The following STK10 variants were observed in gnomAD, a reference collection of about 807,000 sequenced individuals.
The protein encoded by STK10 is serine/threonine kinase 10.
Under a neutral mutation model 113.8 loss-of-function variants are expected in STK10, and 78 were observed. That is an observed-to-expected ratio of 0.69 (90% CI 0.57 to 0.83). The LOEUF (loss-of-function observed/expected upper bound fraction) is 0.83, where lower values mean the gene tolerates loss of function less well. Ranked by LOEUF, STK10 falls within the 40% of genes least tolerant of loss-of-function variation. The pLI is 0.00. For missense variants in STK10, 1,109 were observed against 1,280.1 expected (o/e 0.87, Z 2.04); for synonymous variants, 465 against 494.7 (o/e 0.94, Z 0.80).
At chr5:172,087,477 G>C (rs1034909497) in intron 10 of STK10, among the ~76,000 whole-genome samples, 1 of 151,920 alleles carries the variant, frequency 6.6e-6, no homozygotes, top group Non-Finnish European at 1.5e-5. Context: ...GTTTTGCCAT[G>C]TTGGCCAGGC....
At chr5:172,109,237 C>T (rs1274026497) in intron 4 of STK10, among the ~76,000 whole-genome samples, 2 of 152,136 alleles carry the variant, frequency 1.3e-5, no homozygotes, top group African/African-American at 4.8e-5. Context: ...TACCACACTA[C>T]TTAAATGGCT....
chr5:172,100,149 C>A (rs1768954753), intron 7 of STK10, among the ~76,000 whole-genome samples: 1 of 152,206 alleles, frequency 6.6e-6, no homozygotes, highest in Non-Finnish European at 1.5e-5. Flanking sequence ...AGCTCCTCTG[C>A]CGCCAGAGAT....
chr5:172,167,256 C>CT (rs1214199709), intron 1 of STK10, among the ~76,000 whole-genome samples: 10 of 122,632 alleles, frequency 8.2e-5, no homozygotes, highest in African/African-American at 3.0e-4. Context: ...AAGGTGAAAT[C>CT]ACTAAAGACA....
At chr5:172,182,326 A>C (rs2113845362) in intron 1 of STK10, among the ~76,000 whole-genome samples, 1 of 151,008 alleles carries the variant, frequency 6.6e-6, no homozygotes, top group East Asian at 1.9e-4. Context: ...AAAAAAAAAA[A>C]AGGCTTAAAA....
intron 1 of STK10, among the ~76,000 whole-genome samples, chr5:172,180,040 G>C (rs1770824286): frequency 6.6e-6 from 1 of 152,218 alleles, no homozygotes. Flanking sequence ...CACTTGAGGG[G>C]TCTAAGAGGA....
intron 10 of STK10, among the ~76,000 whole-genome samples, chr5:172,087,623 ATT>A (rs1203616701): frequency 3.5e-5 from 3 of 85,148 alleles, no homozygotes; most frequent in Non-Finnish European, 4.8e-5. Flanking sequence ...TTACTTATTT[ATT>A]TTTTTTTTTT....
chr5:172,157,794 T>C (rs1027352374), intron 1 of STK10, among the ~76,000 whole-genome samples: 3 of 152,026 alleles, frequency 2.0e-5, no homozygotes, highest in African/African-American at 7.2e-5. Flanking sequence ...TTTCACCACA[T>C]TGGCTGGGCT....
chr5:172,070,505 T>A (rs1768153546), intron 12 of STK10, among the ~76,000 whole-genome samples: 1 of 150,422 alleles, frequency 6.6e-6, no homozygotes, highest in Non-Finnish European at 1.5e-5. Context: ...GCTCCATTTA[T>A]AGCATTAAGT....
chr5:172,098,369 C>A (rs1424570580), intron 7 of STK10, among the ~76,000 whole-genome samples: 1 of 151,942 alleles, frequency 6.6e-6, no homozygotes, highest in Non-Finnish European at 1.5e-5. Flanking sequence ...AAGCTGAGAC[C>A]CAAGGGAAAG....
rs993285000 is a variant in STK10 at position 172,082,386 on chromosome 5, G to A, written c.1929C>T (p.Arg643=). ...VRRREEARRI[R]LEQDRDYTRF... The stretch of plus-strand genomic sequence containing the variant: ...TGGTGTAGTCCCGATCCTGCTCCAG[G>A]CGGATCCGCCTGGCCTCCTCCCGGC... Residue 643 remains arginine, a synonymous_variant, in exon 12 of 19, where the codon CGC becomes CGT. Transcript: ENST00000176763. The surrounding 1 kb of genome is among the most constrained non-coding windows in gnomAD (Gnocchi z 4.3). 1.2e-6 allele frequency: 2 copies of A among 1,607,376 alleles called. No individual in the cohort carries two copies. Among genetic ancestry groups the A allele is most frequent in the African/African-American group, 2.7e-5 (2 of 74,448 alleles).
rs1428784627 is a variant in STK10, at chr5:172,042,143, AC to A, written c.*2738del. 1 of 152,668 alleles carries A rather than the reference AC, an allele frequency of 6.6e-6. No individual in the cohort carries two copies. Among genetic ancestry groups the A allele is most frequent in the Non-Finnish European group, 1.5e-5 (1 of 68,046 alleles). 9.5% of individuals were successfully genotyped at this position (152,668 alleles called of 1,614,324 possible). A position where few individuals can be genotyped will look rare whatever the true frequency, so the allele number is the denominator to read the frequency against. On this transcript the variant is annotated 3_prime_UTR_variant, in exon 19 of 19. Transcript: ENST00000176763. Reference sequence around the variant, plus strand: ...TAGTTAACTTTCCAGAGAACATTTTACAAAAATTTTGTATAAAGTCTGGAAA... The same window carrying A: ...TAGTTAACTTTCCAGAGAACATTTTAAAAAATTTTGTATAAAGTCTGGAAA...
At chr5:172,091,217 G>A (rs1192903851) in intron 9 of STK10, among the ~76,000 whole-genome samples, 4 of 152,150 alleles carry the variant, frequency 2.6e-5, no homozygotes, top group Non-Finnish European at 5.9e-5. Flanking sequence ...CAATCCTCGC[G>A]CATGGTGCCA....
Position 172,093,582 on chromosome 5 carries a change from C to G in STK10, c.1384G>C (p.Gly462Arg), listed in dbSNP as rs1363495587. The change falls in exon 9 of 19, where the codon GGG becomes CGG. Residue 462 changes from glycine (G) to arginine (R), a missense_variant. Coordinates refer to ENST00000176763, the MANE Select transcript of STK10 (RefSeq NM_005990.4). This position sits in a 1 kb window ranked among gnomAD's most constrained non-coding sequence, Gnocchi z 4.1. ...PNSSALETLGGEKLANGSLEP... is the reference protein window; with the variant it reads ...PNSSALETLGREKLANGSLEP... ...AGGCTGCCATTGGCCAGCTTCTCCCCACCCAAGGTCTCCAGGGCGCTGCTG... is the reference window on the plus strand; with the variant it reads ...AGGCTGCCATTGGCCAGCTTCTCCCGACCCAAGGTCTCCAGGGCGCTGCTG... 5 of 1,614,258 alleles carry G rather than the reference C, an allele frequency of 3.1e-6. No individual in the cohort carries two copies. The highest frequency in any genetic ancestry group is 4.2e-6 in the Non-Finnish European group (5 of 1,180,046).
chr5:172,151,046 C>T (rs73329618), intron 2 of STK10, among the ~76,000 whole-genome samples: 6,816 of 152,304 alleles, frequency 0.045, 343 homozygotes, highest in East Asian at 0.22. Flanking sequence ...CACCAGGCCC[C>T]GTGCCGGGGA....
chr5:172,067,677 T>C (rs2113710833), intron 12 of STK10, among the ~76,000 whole-genome samples: 1 of 151,912 alleles, frequency 6.6e-6, no homozygotes, highest in African/African-American at 2.4e-5. Flanking sequence ...AACTAAACAA[T>C]ACAATGTCTG....
intron 2 of STK10, among the ~76,000 whole-genome samples, chr5:172,152,399 C>T (rs1301387828): frequency 6.6e-6 from 1 of 152,178 alleles, no homozygotes; most frequent in Non-Finnish European, 1.5e-5. Flanking sequence ...GAAAGATTTG[C>T]CCAGAGACCA....
intron 3 of STK10, among the ~76,000 whole-genome samples, chr5:172,125,439 C>T (rs1769600554): frequency 6.6e-6 from 1 of 151,628 alleles, no homozygotes; most frequent in Admixed American, 6.6e-5. Flanking sequence ...GGCTGGAGTG[C>T]AGTGGCATCA....
At chr5:172,155,159 A>G (rs986882198) in intron 2 of STK10, among the ~76,000 whole-genome samples, 5 of 152,138 alleles carry the variant, frequency 3.3e-5, no homozygotes, top group African/African-American at 1.2e-4. Flanking sequence ...GGTTAATATC[A>G]AAAGTGGCTC....
intron 18 of STK10, among the ~76,000 whole-genome samples, chr5:172,050,506 A>T (rs1436463122): frequency 1.3e-5 from 2 of 152,234 alleles, no homozygotes; most frequent in Non-Finnish European, 2.9e-5. Flanking sequence ...AGCCTGGGCA[A>T]CATAGCAAGA....
Sources: allele counts gnomAD v4.1 joint callset (sites outside exome capture counted in the v4.1 genomes callset), GRCh38; gene constraint gnomAD v4.1.1; non-coding constraint Gnocchi (gnomAD v3.1); transcripts MANE v1.5; gene names NCBI Gene and HGNC (gene_info 2026-07-23, HGNC 2026-07-21).